Variants in SMG6 observed in about 807,000 individuals in gnomAD.
The protein encoded by SMG6 is SMG6 nonsense mediated mRNA decay factor, also known as telomerase-binding protein EST1A.
SMG6 carries 66 observed loss-of-function variants against 142.2 expected under a neutral mutation model. The ratio of observed to expected loss-of-function variants is 0.46; its 90% CI spans 0.38 to 0.57. The LOEUF is 0.57. SMG6 is among the 20% of genes least tolerant of loss of function. The probability of loss-of-function intolerance (pLI) is 0.00; values close to 1 mark genes in which losing one functional copy is unlikely to be tolerated. For synonymous variants in SMG6, 779 were observed against 702.4 expected, an observed-to-expected ratio of 1.11 and a Z score of -1.72; for missense variants, 1,793 against 1,832.0, an observed-to-expected ratio of 0.98 and a Z score of 0.39.
intron 13 of SMG6, among the ~76,000 whole-genome samples, chr17:2,103,617 G>A (rs754389349): frequency 6.6e-6 from 1 of 152,200 alleles, no homozygotes; most frequent in South Asian, 2.1e-4. Context: ...TCTTGTCAGC[G>A]GCCTCACTGA....
intron 13 of SMG6, chr17:2,127,988 C>T: frequency 1.4e-5 from 7 of 507,728 alleles, no homozygotes; most frequent in South Asian, 1.1e-4. Context: ...AGAAAGCACA[C>T]TAAGGAACGA....
At chr17:2,091,740 G>T (rs1248131962) in intron 13 of SMG6, among the ~76,000 whole-genome samples, 1 of 150,482 alleles carries the variant, frequency 6.6e-6, no homozygotes, top group Non-Finnish European at 1.5e-5. Flanking sequence ...GTGCGATCTC[G>T]GCTCACTGCA....
At chr17:2,149,416 A>T (rs2070763067) in intron 13 of SMG6, among the ~76,000 whole-genome samples, 1 of 151,956 alleles carries the variant, frequency 6.6e-6, no homozygotes. Flanking sequence ...ATTTCATCAC[A>T]ATTAAAAAAA....
At position 2,283,685 on chromosome 17, in the gene SMG6, G is replaced by C; in HGVS notation, c.2388C>G (p.Ser796Arg). 6.2e-7 allele frequency: 1 copy of C among 1,614,140 alleles called. No homozygotes were observed. The highest frequency in any genetic ancestry group is 8.5e-7 in the Non-Finnish European group (1 of 1,180,032). The change falls in exon 7 of 19, where the codon AGC (serine) becomes AGG (arginine). Residue 796 changes from serine to arginine, a missense_variant. By Grantham distance (110) the Ser-to-Arg change is moderately radical. Transcript: ENST00000263073. ...TCTCCTTGGCAGTCAGGATAGGGTT[G>C]CTGGCAGCTAAACTGCGCATATAGT... is the stretch of plus-strand genomic sequence containing the variant. ...VYYYMRSLAA[S>R]NPILTAKESL...
At chr17:2,214,128 A>C (rs2072943385) in intron 10 of SMG6, 1 of 152,266 alleles carries the variant, frequency 6.6e-6, no homozygotes, top group East Asian at 1.9e-4. Flanking sequence ...AAGAAACAAA[A>C]GGTCACTAAC....
intron 18 of SMG6, among the ~76,000 whole-genome samples, chr17:2,063,454 C>T (rs1428328024): frequency 2.0e-5 from 3 of 152,196 alleles, no homozygotes; most frequent in Non-Finnish European, 4.4e-5. Flanking sequence ...CTGATAGGGG[C>T]GGTCCCCCGG....
At chr17:2,246,342 A>G (rs1445513121) in intron 8 of SMG6, among the ~76,000 whole-genome samples, 1 of 152,228 alleles carries the variant, frequency 6.6e-6, no homozygotes, top group Admixed American at 6.5e-5. Flanking sequence ...GGTCAGGGCA[A>G]GGAGTCCAGT....
At chr17:2,219,817 A>G (rs1056015143) in intron 10 of SMG6, among the ~76,000 whole-genome samples, 27 of 145,780 alleles carry the variant, frequency 1.9e-4, no homozygotes, top group Admixed American at 6.2e-4. Flanking sequence ...AAAAAAAAAA[A>G]AAAAGAAAAG....
rs1380075793 is a variant in SMG6, at chr17:2,061,483, G to A, written c.*9C>T. 3 of 1,564,354 alleles carry A rather than the reference G, an allele frequency of 1.9e-6. No individual in the cohort carries two copies. The highest frequency in any genetic ancestry group is 2.4e-5 in the East Asian group (1 of 42,382). On this transcript the variant is annotated 3_prime_UTR_variant, in exon 19 of 19. Transcript: ENST00000263073. ...GGTTCCACGGGGGGGGGGCCCCAGT[G>A]TGGCTCCCTCAGCCCACCTGGGCCC... is the stretch of plus-strand genomic sequence containing the variant.
chr17:2,300,332 G>T lies in SMG6; in HGVS notation c.421C>A (p.Pro141Thr), dbSNP rs1340892883. Residue 141 changes from proline (P) to threonine (T), a missense_variant, in exon 2 of 19, where the codon CCC becomes ACC. Coordinates refer to ENST00000263073, the MANE Select transcript of SMG6 (RefSeq NM_017575.5). The part of the protein sequence containing the change: ...SLKIIKRTKK[P>T]DLQIYQPGRR... The stretch of plus-strand genomic sequence containing the variant: ...CCAGGCTGATAGATCTGCAGGTCGG[G>T]TTTCTTTGTTCTTTTGATAATTTTT... 6 of 1,613,752 alleles carry T rather than the reference G, an allele frequency of 3.7e-6. No homozygotes were observed. The highest frequency in any genetic ancestry group is 5.1e-6 in the Non-Finnish European group (6 of 1,180,038).
At chr17:2,249,100 A>C (rs182420595) in intron 8 of SMG6, among the ~76,000 whole-genome samples, 1 of 149,906 alleles carries the variant, frequency 6.7e-6, no homozygotes, top group African/African-American at 2.5e-5. Context: ...TCACCGTGTT[A>C]GCCAGGATGG....
chr17:2,148,669 G>T (rs1192651234), intron 13 of SMG6, among the ~76,000 whole-genome samples: 2 of 152,072 alleles, frequency 1.3e-5, no homozygotes, highest in Non-Finnish European at 2.9e-5. Flanking sequence ...GACCAACCTG[G>T]ACAACATGCC....
intron 9 of SMG6, among the ~76,000 whole-genome samples, chr17:2,238,955 C>G (rs2073737058): frequency 6.6e-6 from 1 of 150,418 alleles, no homozygotes; most frequent in Non-Finnish European, 1.5e-5. Flanking sequence ...TCTATTCATG[C>G]AAAACCAGCC....
chr17:2,227,877 T>C (rs78325807), intron 10 of SMG6, among the ~76,000 whole-genome samples: 1,553 of 151,986 alleles, frequency 0.01, 31 homozygotes, highest in African/African-American at 0.034. Context: ...AATGGAAAAA[T>C]GGATAAACTA....
At chr17:2,087,863 T>C (rs1018386192) in intron 13 of SMG6, 49 of 985,734 alleles carry the variant, frequency 5.0e-5, no homozygotes, top group Non-Finnish European at 5.4e-5. Context: ...TTCCTCTCTG[T>C]GGTCTAATTT....
At chr17:2,119,058 ATTTT>A in intron 13 of SMG6, among the ~76,000 whole-genome samples, 1 of 130,454 alleles carries the variant, frequency 7.7e-6, no homozygotes. Flanking sequence ...CACCTGGCTA[ATTTT>A]TTTTTTTTTT....
Position 2,061,587 on chromosome 17 carries a change from A to G in SMG6, c.4165T>C (p.Leu1389=), listed in dbSNP as rs1467549638. 1 of 1,573,054 alleles carries G rather than the reference A, an allele frequency of 6.4e-7. No individual in the cohort carries two copies. The change falls in exon 19 of 19, where the codon TTG becomes CTG. Residue 1389 remains leucine (L), a synonymous_variant. Transcript: ENST00000263073. ...ACACGCAGGTTCCGGTCATCCGTCA[A>G]CAGCACCACCTCCCGCAGTAGCCGG... is the stretch of plus-strand genomic sequence containing the variant. ...PIRLLREVVL[L]TDDRNLRVKA... is the part of the protein sequence containing the mutation.
At chr17:2,144,685 A>C (rs1382590801) in intron 13 of SMG6, among the ~76,000 whole-genome samples, 4 of 152,092 alleles carry the variant, frequency 2.6e-5, no homozygotes, top group Non-Finnish European at 5.9e-5. Flanking sequence ...TTACCCTGGG[A>C]CACTGTCAGA....
At position 2,071,066 on chromosome 17, in the gene SMG6, G is replaced by T. The variant is rs2068086600; in HGVS notation, c.3682-2135C>A. On this transcript the variant is annotated intron_variant, in intron 15 of 18. Transcript: ENST00000263073. This position sits in a 1 kb window ranked among gnomAD's most constrained non-coding sequence, Gnocchi z 5.6. ...CGTGGCTCTCAAATCTGTCTTTCTG[G>T]GTGAGCAGGGACAGAACAAGCATGG... Among the ~76,000 whole-genome samples the T allele has an allele frequency of 6.6e-6, 1 of 152,132 alleles. No individual in the cohort carries two copies. Among genetic ancestry groups the T allele is most frequent in the African/African-American group, 2.4e-5 (1 of 41,410 alleles).
Sources: gnomAD v4.1 joint callset for allele counts (sites outside exome capture counted in the v4.1 genomes callset) on GRCh38, gnomAD v4.1.1 for gene constraint, Gnocchi (gnomAD v3.1) non-coding constraint, MANE v1.5 for transcripts, NCBI Gene and HGNC (gene_info 2026-07-23, HGNC 2026-07-21) for gene names.